The following MED13 variants were observed in gnomAD, a reference collection of about 807,000 sequenced individuals.
MED13 encodes the protein mediator of RNA polymerase II transcription subunit 13.
A neutral mutation model predicts 225.2 loss-of-function variants in MED13; 23 were observed. That is an observed-to-expected ratio of 0.10 (90% CI 0.07 to 0.14). MED13 has a LOEUF of 0.14. Ranked by LOEUF, MED13 falls within the 10% of genes least tolerant of loss-of-function variation. MED13 has a pLI of 1.00. For missense variants in MED13, 2,197 were observed against 2,594.5 expected, an observed-to-expected ratio of 0.85 and a Z score of 3.33; for synonymous variants, 942 against 889.2, an observed-to-expected ratio of 1.06 and a Z score of -1.06.
At chr17:62,002,413 T>C (rs776555313) in intron 9 of MED13, among the ~76,000 whole-genome samples, 2 of 136,692 alleles carry the variant, frequency 1.5e-5, no homozygotes, top group Non-Finnish European at 3.0e-5. Flanking sequence ...CACTTGAACC[T>C]GGGAGGCGGA....
chr17:62,054,457 A>G (rs974945410), intron 2 of MED13, among the ~76,000 whole-genome samples: 6 of 152,254 alleles, frequency 3.9e-5, no homozygotes, highest in Admixed American at 2.6e-4. Context: ...CTATTATATC[A>G]AAGACACCGT....
chr17:61,971,813 A>G (rs1345361115), intron 17 of MED13, among the ~76,000 whole-genome samples: 1 of 151,604 alleles, frequency 6.6e-6, no homozygotes, highest in Admixed American at 6.6e-5. Context: ...GTGCACCCAT[A>G]CTCCCAGCTG....
intron 23 of MED13, among the ~76,000 whole-genome samples, chr17:61,959,335 ATT>A: frequency 6.6e-6 from 1 of 152,134 alleles, no homozygotes; most frequent in Admixed American, 6.6e-5. Context: ...CCTCTTAACC[ATT>A]ATCTCACTTC....
rs778052432 is a variant in MED13 at position 61,995,192 on chromosome 17, T to C, written c.2141A>G (p.Asp714Gly). 1.9e-6 allele frequency: 3 copies of C among 1,613,746 alleles called. No homozygotes were observed. The highest frequency in any genetic ancestry group is 2.5e-6 in the Non-Finnish European group (3 of 1,179,946). ...AGCTTCTCTCTCACTATTTTGTCTA[T>C]CTTTTTTATCAGGAAAAAGGAATTC... ...DEEFLFPDKK[D>G]RQNSEREAGK... The change falls in exon 10 of 30, where the codon GAT becomes GGT. Residue 714 changes from aspartate to glycine, a missense_variant. Asp to Gly is a moderately conservative substitution (Grantham distance 94). Coordinates refer to ENST00000397786, the MANE Select transcript of MED13 (RefSeq NM_005121.3).
At chr17:62,057,394 A>C (rs1171055432) in intron 2 of MED13, among the ~76,000 whole-genome samples, 1 of 152,226 alleles carries the variant, frequency 6.6e-6, no homozygotes, top group Non-Finnish European at 1.5e-5. Flanking sequence ...AAAACTTAGA[A>C]GATACACTTG....
chr17:61,999,130 A>G (rs2080371429), intron 9 of MED13, among the ~76,000 whole-genome samples: 1 of 152,182 alleles, frequency 6.6e-6, no homozygotes, highest in Non-Finnish European at 1.5e-5. Flanking sequence ...AAAGGCATTC[A>G]GAACTATGTT....
In MED13 at chr17:61,995,397, C is replaced by A. The variant is rs779230048; in HGVS notation, c.1968-32G>T. Reference sequence around the variant, plus strand: ...AAAAAAATTAAAAAAAATTAATTATCCACATAAGCATTAAAAATTTCCAAA... The same window carrying A: ...AAAAAAATTAAAAAAAATTAATTATACACATAAGCATTAAAAATTTCCAAA... On this transcript the variant is annotated intron_variant, in intron 9 of 29. Transcript: ENST00000397786. 3 of 1,491,136 alleles carry A rather than the reference C, an allele frequency of 2.0e-6. No individual in the cohort carries two copies. In the African/African-American group the frequency reaches 4.2e-5, roughly 21 times the overall value. 92.4% of individuals were successfully genotyped at this position (1,491,136 alleles called of 1,614,324 possible). A position where few individuals can be genotyped will look rare whatever the true frequency, so the allele number is the denominator to read the frequency against.
Position 61,961,790 on chromosome 17 carries a change from T to C in MED13, c.5065-11A>G, listed in dbSNP as rs199645352. 1.2e-6 allele frequency: 2 copies of C among 1,605,796 alleles called. No homozygotes were observed. On this transcript the variant is annotated splice_polypyrimidine_tract_variant and intron_variant, in intron 21 of 29. Coordinates refer to ENST00000397786, the MANE Select transcript of MED13 (RefSeq NM_005121.3). The stretch of plus-strand genomic sequence containing the variant: ...CTGACAAGGAATAATCTAAGAAGTA[T>C]AGGCAAATATTACAAATGTTAAACT...
chr17:61,952,401 G>A (rs1185934625), intron 27 of MED13, among the ~76,000 whole-genome samples: 1 of 152,072 alleles, frequency 6.6e-6, no homozygotes, highest in African/African-American at 2.4e-5. Context: ...TGCTCTTAGA[G>A]TTATATATAG....
chr17:62,005,706 T>G (rs1168242005), intron 9 of MED13: 1 of 152,242 alleles, frequency 6.6e-6, no homozygotes, highest in Non-Finnish European at 1.5e-5. Flanking sequence ...AAAATGACGA[T>G]AAAAGCATTT....
chr17:62,039,393 C>T (rs1019770432), intron 3 of MED13, among the ~76,000 whole-genome samples: 1 of 151,910 alleles, frequency 6.6e-6, no homozygotes, highest in Admixed American at 6.6e-5. Context: ...AGCGATTCTT[C>T]TTCCTCTGCC....
chr17:61,946,726 G>A lies in MED13; in HGVS notation c.6393-126C>T, dbSNP rs1410301368. Reference sequence around the variant, plus strand: ...AAAGAGTGTAACAGAGAGTCCTTGAGGGGAAAGAAGCAATTTCCATAAAAA... The same window carrying A: ...AAAGAGTGTAACAGAGAGTCCTTGAAGGGAAAGAAGCAATTTCCATAAAAA... On this transcript the variant is annotated intron_variant, in intron 29 of 29. Coordinates refer to ENST00000397786, the MANE Select transcript of MED13 (RefSeq NM_005121.3). 4.9e-6 allele frequency: 6 copies of A among 1,226,352 alleles called. No individual in the cohort carries two copies. In the East Asian group the frequency reaches 9.8e-5, roughly 20 times the overall value. The allele number at this position is 1,226,352 out of a possible 1,614,324, so 76.0% of individuals were successfully genotyped here. A position where few individuals can be genotyped will look rare whatever the true frequency, so the allele number is the denominator to read the frequency against.
rs2079832931 is a variant in MED13, at chr17:61,943,859, G to A, written c.*2609C>T. 1 of 152,520 alleles carries A rather than the reference G, an allele frequency of 6.6e-6. No homozygotes were observed. The highest frequency in any genetic ancestry group is 1.5e-5 in the Non-Finnish European group (1 of 67,982). The allele number at this position is 152,520 out of a possible 1,614,324, so 9.4% of individuals were successfully genotyped here. A position where few individuals can be genotyped will look rare whatever the true frequency, so the allele number is the denominator to read the frequency against. On this transcript the variant is annotated 3_prime_UTR_variant, in exon 30 of 30. Transcript: ENST00000397786. ...TGGATACCTGCACAAAAAAAAAGAT[G>A]TTAGCACTGTAACAAAGAAGTCAAG... is the stretch of plus-strand genomic sequence containing the variant.
intron 9 of MED13, chr17:62,006,285 G>GC (rs1230235639): frequency 6.3e-5 from 4 of 63,932 alleles, no homozygotes; most frequent in Non-Finnish European, 1.7e-4. Flanking sequence ...AAAAAAAAAA[G>GC]GGGGGGGGGA....
At chr17:61,980,092 G>C (rs1011471236) in intron 16 of MED13, among the ~76,000 whole-genome samples, 1 of 152,182 alleles carries the variant, frequency 6.6e-6, no homozygotes, top group African/African-American at 2.4e-5. Context: ...GGGAGGCTGA[G>C]GCAGGAGAAT....
chr17:62,055,727 G>C (rs1239196889), intron 2 of MED13, among the ~76,000 whole-genome samples: 1 of 151,786 alleles, frequency 6.6e-6, no homozygotes, highest in African/African-American at 2.4e-5. Flanking sequence ...GGAGGCTGAG[G>C]CAGGAGAATC....
chr17:62,047,691 G>A (rs1459181906), intron 3 of MED13, among the ~76,000 whole-genome samples: 3 of 151,764 alleles, frequency 2.0e-5, no homozygotes, highest in Non-Finnish European at 4.4e-5. Context: ...TGCACGTTCT[G>A]CACATGTATT....
intron 21 of MED13, 33 bp downstream of exon 21, chr17:61,962,719 A>T (rs755212335): frequency 6.3e-7 from 1 of 1,585,928 alleles, no homozygotes; most frequent in South Asian, 1.1e-5. Flanking sequence ...ACTGTTTTAC[A>T]TAATTTTAAC....
intron 9 of MED13, among the ~76,000 whole-genome samples, chr17:61,996,232 A>C (rs1325331316): frequency 1.3e-5 from 2 of 152,184 alleles, no homozygotes; most frequent in Non-Finnish European, 2.9e-5. Context: ...TTCTCTCTGA[A>C]GACCCGACTG....
Sources: allele counts gnomAD v4.1 joint callset (sites outside exome capture counted in the v4.1 genomes callset), GRCh38; gene constraint gnomAD v4.1.1; transcripts MANE v1.5; gene names NCBI Gene and HGNC (gene_info 2026-07-23, HGNC 2026-07-21).